SYT1: variants seen among roughly 807,000 people sequenced by gnomAD.
SYT1 encodes the protein synaptotagmin 1.
In SYT1, 8 loss-of-function variants were observed where a neutral mutation model predicts 44.8. The ratio of observed to expected loss-of-function variants is 0.18; its 90% CI spans 0.10 to 0.32. The LOEUF is 0.32. Among genes scored for constraint, SYT1 ranks in the 10% least tolerant of loss-of-function variants. The pLI is 1.00. For synonymous variants in SYT1, 154 were observed against 188.8 expected (o/e 0.82, Z 1.51); for missense variants, 286 against 509.3 (o/e 0.56, Z 4.22).
At position 79,343,090 on chromosome 12, in the gene SYT1, A is replaced by G. The variant is rs150458767; in HGVS notation, c.811-10412A>G. 7.2e-4 allele frequency among the ~76,000 whole-genome samples: 109 copies of G among 152,320 alleles called. 2 individuals carry two copies. The East Asian group carries it at 0.019, about 26-fold the overall frequency. Reference sequence around the variant, plus strand: ...AAATCAGGAAATCATTGTATTATAGAATCCAAGGAAAGAAAGGGAGTCAAT... The same window carrying G: ...AAATCAGGAAATCATTGTATTATAGGATCCAAGGAAAGAAAGGGAGTCAAT... On this transcript the variant is annotated intron_variant, in intron 8 of 10. Coordinates refer to ENST00000261205, the MANE Select transcript of SYT1 (RefSeq NM_005639.3).
intron 3 of SYT1, among the ~76,000 whole-genome samples, chr12:79,088,947 GAGA>G (rs998803381): frequency 6.6e-6 from 1 of 151,984 alleles, no homozygotes; most frequent in Admixed American, 6.6e-5. Context: ...CTTGAGATGG[GAGA>G]AGATTTATGA....
At chr12:79,048,231 A>G (rs1270187416) in intron 3 of SYT1, among the ~76,000 whole-genome samples, 1 of 151,862 alleles carries the variant, frequency 6.6e-6, no homozygotes, top group African/African-American at 2.4e-5. Flanking sequence ...ATCTTAGTAC[A>G]TATCAAACTA....
intron 3 of SYT1, among the ~76,000 whole-genome samples, chr12:79,095,478 T>G (rs1184329455): frequency 1.3e-5 from 2 of 151,912 alleles, no homozygotes; most frequent in Non-Finnish European, 1.5e-5. Context: ...TAGATAGCAA[T>G]AGTTAAGATG....
chr12:79,020,016 G>C (rs1872081134), intron 2 of SYT1, among the ~76,000 whole-genome samples: 1 of 151,918 alleles, frequency 6.6e-6, no homozygotes, highest in Non-Finnish European at 1.5e-5. Flanking sequence ...TCAAGAGAAT[G>C]AATACTGCAT....
At chr12:78,868,737 A>G (rs1039767771) in intron 1 of SYT1, 1 of 151,810 alleles carries the variant, frequency 6.6e-6, no homozygotes, top group African/African-American at 2.4e-5. Context: ...GTGTCTTAGG[A>G]ATGCTTTTAA....
At chr12:78,929,866 G>T (rs1201054541) in intron 1 of SYT1, among the ~76,000 whole-genome samples, 1 of 152,138 alleles carries the variant, frequency 6.6e-6, no homozygotes, top group African/African-American at 2.4e-5. Flanking sequence ...ACTTATAATT[G>T]AGAAAGAATG....
intron 7 of SYT1, among the ~76,000 whole-genome samples, chr12:79,299,042 A>G (rs1477621913): frequency 1.3e-5 from 2 of 152,152 alleles, no homozygotes; most frequent in African/African-American, 2.4e-5. Context: ...AAAATATTCT[A>G]CAAGAAAAAC....
intron 3 of SYT1, among the ~76,000 whole-genome samples, chr12:79,058,893 A>G (rs148200527): frequency 2.9e-4 from 44 of 152,112 alleles, no homozygotes; most frequent in Non-Finnish European, 5.0e-4. Flanking sequence ...TAATACATAC[A>G]CATTTTCCCA....
At position 79,365,834 on chromosome 12, in the gene SYT1, G is replaced by GAAAAAAAAAAAA. The variant is rs57702061; in HGVS notation, c.928+12220_928+12231dup. On this transcript the variant is annotated intron_variant, in intron 9 of 10. Coordinates refer to ENST00000261205, the MANE Select transcript of SYT1 (RefSeq NM_005639.3). ...CCTAGACTGATTGCAAAGAGTACCA[G>GAAAAAAAAAAAA]AAAAAAAAAAAAAAAAGCAGGTCAT... Among the ~76,000 whole-genome samples, 28 of 104,090 alleles carry GAAAAAAAAAAAA rather than the reference G, an allele frequency of 2.7e-4. 1 individual carries two copies. The highest frequency in any genetic ancestry group is 5.5e-4 in the African/African-American group (15 of 27,300). The allele number at this position is 104,090 out of a possible 152,430, so 68.3% of individuals were successfully genotyped here.
chr12:79,418,530 T>C (rs901508216), intron 9 of SYT1, among the ~76,000 whole-genome samples: 5 of 152,148 alleles, frequency 3.3e-5, no homozygotes, highest in African/African-American at 1.2e-4. Flanking sequence ...TTTGTGACCT[T>C]GTGGGTGACT....
chr12:79,114,766 T>C (rs192312553), intron 3 of SYT1, among the ~76,000 whole-genome samples: 3 of 152,262 alleles, frequency 2.0e-5, no homozygotes, highest in Admixed American at 2.0e-4. Context: ...TTCATTTGTC[T>C]TTGAGGAGAA....
At chr12:79,132,086 A>C (rs894075406) in intron 3 of SYT1, among the ~76,000 whole-genome samples, 23 of 152,298 alleles carry the variant, frequency 1.5e-4, no homozygotes, top group African/African-American at 5.5e-4. Flanking sequence ...ACTTTGTTAC[A>C]ACTAAACAGA....
chr12:79,104,020 A>G (rs1878576451), intron 3 of SYT1, among the ~76,000 whole-genome samples: 1 of 152,200 alleles, frequency 6.6e-6, no homozygotes, highest in Non-Finnish European at 1.5e-5. Context: ...TACTAAAAAT[A>G]GCTGCACAGG....
At chr12:78,911,919 G>GT (rs1165171411) in intron 1 of SYT1, among the ~76,000 whole-genome samples, 5 of 151,944 alleles carry the variant, frequency 3.3e-5, no homozygotes, top group African/African-American at 1.2e-4. Flanking sequence ...ATGAATATTT[G>GT]TTGACAATAG....
chr12:79,228,727 A>T (rs1027775119), intron 4 of SYT1, among the ~76,000 whole-genome samples: 1 of 152,286 alleles, frequency 6.6e-6, no homozygotes, highest in East Asian at 1.9e-4. Flanking sequence ...CGATTTCACC[A>T]CATATTCTGT....
At chr12:79,287,472 T>C (rs546473416) in intron 5 of SYT1, among the ~76,000 whole-genome samples, 1 of 152,250 alleles carries the variant, frequency 6.6e-6, no homozygotes, top group South Asian at 2.1e-4. Flanking sequence ...TATTGGGAGA[T>C]TAAGTGTGGA....
chr12:79,217,634 G>A lies in SYT1; in HGVS notation c.115G>A (p.Ala39Thr), dbSNP rs1874894389. 1.2e-6 allele frequency: 2 copies of A among 1,613,084 alleles called. No individual in the cohort carries two copies. The highest frequency in any genetic ancestry group is 8.5e-7 in the Non-Finnish European group (1 of 1,179,548). The change falls in exon 4 of 11, where the codon GCA becomes ACA. Residue 39 changes from alanine to threonine, a missense_variant. Physicochemically the swap from Ala to Thr is moderately conservative, Grantham distance 58. Around this residue, in one of 6 missense-constraint regions of SYT1, gnomAD observed 141 missense variants for 165.7 expected, o/e 0.85. Coordinates refer to ENST00000261205, the MANE Select transcript of SYT1 (RefSeq NM_005639.3). ...CAGTCCTGGAGAAGGAAAGGAAGAT[G>A]CATTTTCTAAGCTGAAGGAGAAGTT... Reference protein sequence around the residue: ...PASPGEGKEDAFSKLKEKFMN... With the variant: ...PASPGEGKEDTFSKLKEKFMN...
chr12:79,111,891 G>A (rs994066043), intron 3 of SYT1, among the ~76,000 whole-genome samples: 9 of 152,058 alleles, frequency 5.9e-5, no homozygotes, highest in Admixed American at 3.3e-4. Flanking sequence ...TTACTACACC[G>A]AAGTGTTTAC....
chr12:79,092,236 C>G (rs1440767543), intron 3 of SYT1, among the ~76,000 whole-genome samples: 2 of 151,860 alleles, frequency 1.3e-5, no homozygotes, highest in African/African-American at 4.8e-5. Flanking sequence ...ATAAAGTCAA[C>G]TTTAATTCCT....
Sources: allele counts gnomAD v4.1 joint callset (sites outside exome capture counted in the v4.1 genomes callset), GRCh38; gene constraint gnomAD v4.1.1; regional missense constraint gnomAD v4.1.1; transcripts MANE v1.5; gene names NCBI Gene and HGNC (gene_info 2026-07-23, HGNC 2026-07-21).